The following PCDHGB1 variants were observed in gnomAD, a reference collection of about 807,000 sequenced individuals.
PCDHGB1 encodes the protein protocadherin gamma subfamily B, 1.
A neutral mutation model predicts 56.6 loss-of-function variants in PCDHGB1; 34 were observed. That is an observed-to-expected ratio of 0.60 (90% CI 0.46 to 0.80). PCDHGB1 has a LOEUF of 0.80. Ranked by LOEUF, PCDHGB1 falls within the 30% of genes least tolerant of loss-of-function variation. The probability of loss-of-function intolerance (pLI) is 0.00; values close to 1 mark genes in which losing one functional copy is unlikely to be tolerated. For missense variants in PCDHGB1, 1,278 were observed against 1,204.6 expected, an observed-to-expected ratio of 1.06 and a Z score of -0.90; for synonymous variants, 561 against 505.9, an observed-to-expected ratio of 1.11 and a Z score of -1.46.
In PCDHGB1 at chr5:141,476,653, C is replaced by T; in HGVS notation, c.2410-18154C>T. ...CCTATGAGCTGAGCCGAAATGAATA[C>T]TTTGCGCTTCGCGTGCAGACGCGGG... is the stretch of plus-strand genomic sequence containing the variant. On this transcript the variant is annotated intron_variant, in intron 1 of 3. Transcript: ENST00000523390. The surrounding 1 kb of genome is among the most constrained non-coding windows in gnomAD (Gnocchi z 7.6). 6.2e-7 allele frequency: 1 copy of T among 1,614,270 alleles called. No individual in the cohort carries two copies. The highest frequency in any genetic ancestry group is 8.5e-7 in the Non-Finnish European group (1 of 1,180,058).
chr5:141,389,541 C>A, intron 1 of PCDHGB1: 2 of 1,613,242 alleles, frequency 1.2e-6, no homozygotes, highest in Non-Finnish European at 1.7e-6. Context: ...AGTGGACGAC[C>A]GCAACGACAA....
intron 1 of PCDHGB1, chr5:141,413,430 C>T (rs745782366): frequency 6.2e-7 from 1 of 1,614,078 alleles, no homozygotes; most frequent in Admixed American, 1.7e-5. Context: ...ACCCGCGCAG[C>T]GGCAGCTTGA....
At chr5:141,365,666 A>T in intron 1 of PCDHGB1, 4 of 1,613,398 alleles carry the variant, frequency 2.5e-6, no homozygotes, top group Non-Finnish European at 3.4e-6. Flanking sequence ...AGCAGACGTT[A>T]ATGACAACCC....
At position 141,372,796 on chromosome 5, in the gene PCDHGB1, G is replaced by A. The variant is rs1466519427; in HGVS notation, c.2409+20127G>A. ...AATCCAGAAATGCCTTCTAATTCAG[G>A]CAATTTGCAAAAGGTGAGTTTCTTC... On this transcript the variant is annotated intron_variant, in intron 1 of 3. Coordinates refer to ENST00000523390, the MANE Select transcript of PCDHGB1 (RefSeq NM_018922.3). 7.5e-6 allele frequency: 12 copies of A among 1,597,700 alleles called. No individual in the cohort carries two copies. Among genetic ancestry groups the A allele is most frequent in the Non-Finnish European group, 1.0e-5 (12 of 1,171,762 alleles).
intron 1 of PCDHGB1, chr5:141,478,141 C>T (rs770862398): frequency 6.2e-7 from 1 of 1,614,044 alleles, no homozygotes; most frequent in Non-Finnish European, 8.5e-7. Context: ...AAGCCCGAGC[C>T]GAGTTCCCCT....
intron 2 of PCDHGB1, among the ~76,000 whole-genome samples, chr5:141,504,238 G>A (rs1043662594): frequency 2.0e-5 from 3 of 152,228 alleles, no homozygotes; most frequent in African/African-American, 7.2e-5. Flanking sequence ...CTAAGAAGCA[G>A]AGAGTTCTTC....
chr5:141,385,102 G>T (rs370391349), intron 1 of PCDHGB1: 1 of 1,614,056 alleles, frequency 6.2e-7, no homozygotes, highest in South Asian at 1.1e-5. Context: ...CTTGGCGAAC[G>T]TGCCCACCTC....
chr5:141,390,290 C>T (rs1344237469), intron 1 of PCDHGB1: 1 of 1,613,806 alleles, frequency 6.2e-7, no homozygotes, highest in Admixed American at 1.7e-5. Flanking sequence ...AGGTGAGTTT[C>T]CTTTAAGTAT....
chr5:141,374,457 A>C lies in PCDHGB1; in HGVS notation c.2409+21788A>C, dbSNP rs775796857. ...TATCCCGTGGAAGTGGAAATAGTGG[A>C]CATTAATGACAATACACCCCGATTC... On this transcript the variant is annotated intron_variant, in intron 1 of 3. Coordinates refer to ENST00000523390, the MANE Select transcript of PCDHGB1 (RefSeq NM_018922.3). The C allele has an allele frequency of 2.5e-6, 4 of 1,613,430 alleles. No homozygotes were observed. The South Asian group carries it at 4.4e-5, about 18-fold the overall frequency.
intron 1 of PCDHGB1, chr5:141,427,178 A>G (rs1175390589): frequency 4.4e-6 from 2 of 456,644 alleles, no homozygotes; most frequent in Admixed American, 2.3e-5. Flanking sequence ...AAAATGGGGA[A>G]ATTAAATCCA....
chr5:141,361,960 C>T, intron 1 of PCDHGB1: 1 of 1,602,668 alleles, frequency 6.2e-7, no homozygotes, highest in Non-Finnish European at 8.5e-7. Flanking sequence ...CTACCACGTG[C>T]TGCAGGCCAG....
intron 1 of PCDHGB1, among the ~76,000 whole-genome samples, chr5:141,380,299 C>T (rs1776363020): frequency 6.6e-6 from 1 of 152,092 alleles, no homozygotes; most frequent in Non-Finnish European, 1.5e-5. Context: ...ATACCTATAT[C>T]TTTGCTTGAG....
At chr5:141,423,669 T>C in intron 1 of PCDHGB1, 1 of 1,554,480 alleles carries the variant, frequency 6.4e-7, no homozygotes, top group Non-Finnish European at 8.7e-7. Flanking sequence ...AGGTGAGATT[T>C]ATTTCTCTGC....
intron 1 of PCDHGB1, chr5:141,365,775 G>A: frequency 1.9e-6 from 3 of 1,613,864 alleles, no homozygotes; most frequent in Non-Finnish European, 2.5e-6. Context: ...CCCGACAGCG[G>A]CGACAACGCT....
intron 1 of PCDHGB1, chr5:141,400,151 C>T: frequency 6.2e-7 from 1 of 1,614,086 alleles, no homozygotes; most frequent in Non-Finnish European, 8.5e-7. Context: ...ACTGACCGCC[C>T]TGTACCCTCT....
chr5:141,422,576 C>G (rs778942661), intron 1 of PCDHGB1: 1 of 1,614,034 alleles, frequency 6.2e-7, no homozygotes, highest in South Asian at 1.1e-5. Context: ...AACGATAACC[C>G]TCCCGTTTTT....
At chr5:141,437,896 C>T (rs943440712) in intron 1 of PCDHGB1, among the ~76,000 whole-genome samples, 2 of 152,128 alleles carry the variant, frequency 1.3e-5, no homozygotes, top group African/African-American at 4.8e-5. Flanking sequence ...CGCCACCACA[C>T]CCAGCTAATT....
intron 1 of PCDHGB1, among the ~76,000 whole-genome samples, chr5:141,474,142 T>G (rs2099344082): frequency 6.6e-6 from 1 of 152,212 alleles, no homozygotes; most frequent in African/African-American, 2.4e-5. Flanking sequence ...ACAGGCCTTA[T>G]TATCAAGAAA....
chr5:141,361,554 A>C, intron 1 of PCDHGB1: 3 of 1,614,062 alleles, frequency 1.9e-6, no homozygotes, highest in Non-Finnish European at 2.5e-6. Flanking sequence ...CTATCGCTCA[A>C]ATCAGTGCCT....
Sources: gnomAD v4.1 joint callset for allele counts (sites outside exome capture counted in the v4.1 genomes callset) on GRCh38, gnomAD v4.1.1 for gene constraint, Gnocchi (gnomAD v3.1) non-coding constraint, MANE v1.5 for transcripts, NCBI Gene and HGNC (gene_info 2026-07-23, HGNC 2026-07-21) for gene names.